The following GALNTL6 variants were observed in gnomAD, a reference collection of about 807,000 sequenced individuals.
GALNTL6 encodes the protein polypeptide N-acetylgalactosaminyltransferase-like 6.
Under a neutral mutation model 73.7 loss-of-function variants are expected in GALNTL6, and 46 were observed. That is an observed-to-expected ratio of 0.62 (90% CI 0.49 to 0.80). GALNTL6 has a LOEUF of 0.80. Ranked by LOEUF, GALNTL6 falls within the 30% of genes least tolerant of loss-of-function variation. The pLI is 0.00. For synonymous variants in GALNTL6, 259 were observed against 263.7 expected, an observed-to-expected ratio of 0.98 and a Z score of 0.17; for missense variants, 604 against 755.0, an observed-to-expected ratio of 0.80 and a Z score of 2.34.
intron 5 of GALNTL6, among the ~76,000 whole-genome samples, chr4:172,496,992 A>G (rs1458743197): frequency 6.6e-6 from 1 of 152,252 alleles, no homozygotes; most frequent in Admixed American, 6.5e-5. Context: ...TAGTTTGAAA[A>G]TAAAATGTAA....
chr4:172,945,860 C>T (rs900694191), intron 9 of GALNTL6, among the ~76,000 whole-genome samples: 2 of 152,040 alleles, frequency 1.3e-5, no homozygotes, highest in Non-Finnish European at 1.5e-5. Flanking sequence ...GTTGGGGCTG[C>T]CTTAAAGACA....
At position 172,700,226 on chromosome 4, in the gene GALNTL6, T is replaced by G. The variant is rs77136154; in HGVS notation, c.554-109135T>G. Among the ~76,000 whole-genome samples the G allele has an allele frequency of 9.8e-3, 1,494 of 152,206 alleles. 15 individuals are homozygous for G. Among genetic ancestry groups the G allele is most frequent in the Non-Finnish European group, 0.017 (1,122 of 67,996 alleles). On this transcript the variant is annotated intron_variant, in intron 5 of 12. Transcript: ENST00000506823. ...GTCAACATGGCCTCCCTGTTTGACTTTATTCTGGGTCAAAGTAATTGGGTT... is the reference window on the plus strand; with the variant it reads ...GTCAACATGGCCTCCCTGTTTGACTGTATTCTGGGTCAAAGTAATTGGGTT...
intron 2 of GALNTL6, among the ~76,000 whole-genome samples, chr4:171,969,175 T>C (rs1017340447): frequency 6.6e-6 from 1 of 152,130 alleles, no homozygotes; most frequent in Admixed American, 6.6e-5. Context: ...ATACTTCCTC[T>C]CCTTCTTCCT....
At chr4:172,485,450 A>G (rs1295845123) in intron 5 of GALNTL6, among the ~76,000 whole-genome samples, 1 of 152,114 alleles carries the variant, frequency 6.6e-6, no homozygotes, top group African/African-American at 2.4e-5. Flanking sequence ...TGTTTTATGT[A>G]TGTTTTATAT....
chr4:171,936,304 A>G (rs1738343851), intron 2 of GALNTL6, among the ~76,000 whole-genome samples: 2 of 152,188 alleles, frequency 1.3e-5, no homozygotes, highest in Admixed American at 6.5e-5. Context: ...ACATCTGTTC[A>G]AAGTAGAAAG....
intron 3 of GALNTL6, among the ~76,000 whole-genome samples, chr4:172,287,310 C>T (rs1430074438): frequency 6.6e-6 from 1 of 152,150 alleles, no homozygotes; most frequent in Non-Finnish European, 1.5e-5. Context: ...GCAACTAGGG[C>T]TACCAACCAC....
intron 2 of GALNTL6, among the ~76,000 whole-genome samples, chr4:172,161,197 G>A (rs1001881351): frequency 1.3e-5 from 2 of 151,736 alleles, no homozygotes; most frequent in African/African-American, 4.8e-5. Flanking sequence ...TAGAGCAGTG[G>A]TCTCTTATGT....
At chr4:172,089,128 T>C (rs1447424359) in intron 2 of GALNTL6, among the ~76,000 whole-genome samples, 1 of 152,172 alleles carries the variant, frequency 6.6e-6, no homozygotes, top group Admixed American at 6.5e-5. Flanking sequence ...AATTAAACAG[T>C]TGAGTCTCAT....
At chr4:171,979,842 G>A (rs1300837425) in intron 2 of GALNTL6, among the ~76,000 whole-genome samples, 3 of 152,004 alleles carry the variant, frequency 2.0e-5, no homozygotes, top group Non-Finnish European at 4.4e-5. Flanking sequence ...CAATCTGCCA[G>A]CATAAATACT....
chr4:172,043,731 ACCTACT>A (rs1004317404), intron 2 of GALNTL6, among the ~76,000 whole-genome samples: 1 of 152,068 alleles, frequency 6.6e-6, no homozygotes, highest in African/African-American at 2.4e-5. Flanking sequence ...AGTGTTCTCT[ACCTACT>A]CTTTGTTGAA....
intron 10 of GALNTL6, among the ~76,000 whole-genome samples, chr4:172,993,102 C>G (rs944935965): frequency 5.9e-5 from 9 of 152,102 alleles, no homozygotes; most frequent in Non-Finnish European, 1.0e-4. Flanking sequence ...TTGTGTCCCC[C>G]CAAAAATTCG....
chr4:171,926,088 A>G (rs1480468160), intron 2 of GALNTL6, among the ~76,000 whole-genome samples: 1 of 152,092 alleles, frequency 6.6e-6, no homozygotes, highest in Non-Finnish European at 1.5e-5. Flanking sequence ...TCATTCCTTT[A>G]TCGAAAGACA....
At chr4:171,914,167 T>C (rs1467416521) in intron 2 of GALNTL6, among the ~76,000 whole-genome samples, 1 of 152,108 alleles carries the variant, frequency 6.6e-6, no homozygotes, top group Non-Finnish European at 1.5e-5. Context: ...CATAGGAATA[T>C]AGAGGTAAGT....
intron 5 of GALNTL6, among the ~76,000 whole-genome samples, chr4:172,760,383 G>T (rs1738013910): frequency 6.6e-6 from 1 of 152,060 alleles, no homozygotes; most frequent in African/African-American, 2.4e-5. Flanking sequence ...TAAAAGTCTT[G>T]GGTTGGAGGT....
In GALNTL6 at chr4:172,955,776, C is replaced by T. The variant is rs184825345; in HGVS notation, c.1371+3518C>T. Among the ~76,000 whole-genome samples the T allele has an allele frequency of 1.5e-3, 215 of 147,384 alleles. 1 individual carries two copies. The highest frequency in any genetic ancestry group is 5.1e-3 in the African/African-American group (203 of 39,542). On this transcript the variant is annotated intron_variant, in intron 10 of 12. Transcript: ENST00000506823. ...AAAAGAAGGGAGATAGGGGTGGGGC[C>T]GTTTTATAGGATTTGGGTAGGTAAA...
At chr4:172,032,444 T>C (rs113860857) in intron 2 of GALNTL6, among the ~76,000 whole-genome samples, 1,716 of 152,194 alleles carry the variant, frequency 0.011, 27 homozygotes, top group African/African-American at 0.035. Flanking sequence ...TAAAGAATTA[T>C]CTTAAAATTA....
intron 5 of GALNTL6, among the ~76,000 whole-genome samples, chr4:172,380,731 A>G (rs1313022197): frequency 6.6e-6 from 1 of 152,232 alleles, no homozygotes; most frequent in African/African-American, 2.4e-5. Flanking sequence ...TTACCACGAA[A>G]GAGAAGAGAC....
At chr4:172,676,760 G>A (rs551559649) in intron 5 of GALNTL6, among the ~76,000 whole-genome samples, 6 of 152,060 alleles carry the variant, frequency 3.9e-5, no homozygotes, top group African/African-American at 9.7e-5. Flanking sequence ...GTCACTTTCC[G>A]ATTTCTCCTG....
chr4:172,111,631 T>C (rs1393969622), intron 2 of GALNTL6, among the ~76,000 whole-genome samples: 1 of 152,100 alleles, frequency 6.6e-6, no homozygotes, highest in African/African-American at 2.4e-5. Context: ...ATTTTAATGA[T>C]TATTTTTTGA....
Sources: gnomAD v4.1 joint callset for allele counts (sites outside exome capture counted in the v4.1 genomes callset) on GRCh38, gnomAD v4.1.1 for gene constraint, MANE v1.5 for transcripts, NCBI Gene and HGNC (gene_info 2026-07-23, HGNC 2026-07-21) for gene names.